MED13L: variants seen among roughly 807,000 people sequenced by gnomAD.
The protein encoded by MED13L is mediator complex subunit 13L.
MED13L carries 7 observed loss-of-function variants against 220.9 expected under a neutral mutation model. The ratio of observed to expected loss-of-function variants is 0.03; its 90% CI spans 0.02 to 0.06. The LOEUF is 0.06. MED13L is among the 10% of genes least tolerant of loss of function. MED13L has a pLI of 1.00. For missense variants in MED13L, 1,965 were observed against 2,760.5 expected, an observed-to-expected ratio of 0.71 and a Z score of 6.46; for synonymous variants, 1,011 against 1,015.2, an observed-to-expected ratio of 1.00 and a Z score of 0.08.
intron 2 of MED13L, among the ~76,000 whole-genome samples, chr12:116,196,365 G>T (rs4767387): frequency 6.6e-6 from 1 of 151,308 alleles, no homozygotes; most frequent in Non-Finnish European, 1.5e-5. Context: ...GGGCCAATAA[G>T]TAAGGTGCAA....
At chr12:116,257,402 G>C (rs1406184268) in intron 1 of MED13L, among the ~76,000 whole-genome samples, 4 of 152,200 alleles carry the variant, frequency 2.6e-5, no homozygotes, top group Non-Finnish European at 2.9e-5. Context: ...AGTATGGCCA[G>C]AAGTGTTGTA....
chr12:116,051,244 C>G (rs1868486631), intron 4 of MED13L, among the ~76,000 whole-genome samples: 1 of 151,064 alleles, frequency 6.6e-6, no homozygotes, highest in Non-Finnish European at 1.5e-5. Context: ...GGCATGGTGG[C>G]TCACACCGAG....
chr12:116,119,445 T>A lies in MED13L; in HGVS notation c.311-7933A>T, dbSNP rs532685321. On this transcript the variant is annotated intron_variant, in intron 2 of 30. Coordinates refer to ENST00000281928, the MANE Select transcript of MED13L (RefSeq NM_015335.5). ...GCCGATTGTAAAAGTGCCAAATAGT[T>A]GGATACCCAATATTCTTTTAATCAA... Among the ~76,000 whole-genome samples, 9 of 152,254 alleles carry A rather than the reference T, an allele frequency of 5.9e-5. No homozygotes were observed. In the East Asian group the frequency reaches 1.7e-3, roughly 29 times the overall value.
intron 18 of MED13L, among the ~76,000 whole-genome samples, 178 bp from the exon 19 acceptor site, chr12:115,986,667 T>G (rs1204291051): frequency 1.3e-5 from 2 of 152,132 alleles, no homozygotes; most frequent in Non-Finnish European, 2.9e-5. Context: ...ATGAGGACTC[T>G]TAATTAAGTA....
chr12:116,103,646 A>G (rs1873286538), intron 3 of MED13L, among the ~76,000 whole-genome samples: 1 of 152,150 alleles, frequency 6.6e-6, no homozygotes, highest in Admixed American at 6.6e-5. Flanking sequence ...AATATTCACT[A>G]AATAGCTACA....
intron 2 of MED13L, among the ~76,000 whole-genome samples, chr12:116,164,876 G>A (rs1191838584): frequency 6.6e-6 from 1 of 152,146 alleles, no homozygotes. Flanking sequence ...TTCAAGTTAT[G>A]TTTACTTTCA....
At position 115,996,459 on chromosome 12, in the gene MED13L, A is replaced by G. The variant is rs1878411466; in HGVS notation, c.2996+17T>C. Reference sequence around the variant, plus strand: ...GCATCAAATATGGCAAGTAAATGACACAATCCCTATACATACTTGTAGCCA... The same window carrying G: ...GCATCAAATATGGCAAGTAAATGACGCAATCCCTATACATACTTGTAGCCA... On this transcript the variant is annotated intron_variant, in intron 16 of 30. Transcript: ENST00000281928. 6.2e-7 allele frequency: 1 copy of G among 1,603,592 alleles called. No homozygotes were observed. The highest frequency in any genetic ancestry group is 1.3e-5 in the African/African-American group (1 of 74,728).
At chr12:116,171,569 A>T (rs1879681955) in intron 2 of MED13L, among the ~76,000 whole-genome samples, 1 of 152,154 alleles carries the variant, frequency 6.6e-6, no homozygotes, top group Non-Finnish European at 1.5e-5. Flanking sequence ...GCCCCATCCC[A>T]ACCACCTTCC....
At chr12:116,036,545 A>G (rs1228433118) in intron 4 of MED13L, among the ~76,000 whole-genome samples, 1 of 152,236 alleles carries the variant, frequency 6.6e-6, no homozygotes, top group Non-Finnish European at 1.5e-5. Flanking sequence ...ATGAATATTA[A>G]TACACTCCTT....
At position 116,252,476 on chromosome 12, in the gene MED13L, T is replaced by C. The variant is rs766375792; in HGVS notation, c.73-14771A>G. On this transcript the variant is annotated intron_variant, in intron 1 of 30. Transcript: ENST00000281928. The stretch of plus-strand genomic sequence containing the variant: ...ATCACTTGAGCCCAGGACACTGAGG[T>C]TGCAGTGAGCTGTGATTGCTCCACT... Among the ~76,000 whole-genome samples, 8 of 152,030 alleles carry C rather than the reference T, an allele frequency of 5.3e-5. No individual in the cohort carries two copies. In the South Asian group the frequency reaches 6.2e-4, roughly 12 times the overall value.
At chr12:116,192,218 G>A (rs1237845406) in intron 2 of MED13L, among the ~76,000 whole-genome samples, 1 of 152,164 alleles carries the variant, frequency 6.6e-6, no homozygotes, top group African/African-American at 2.4e-5. Flanking sequence ...CATCCCTTAT[G>A]TAGCCAAGCA....
rs1280974865 is a variant in MED13L at position 116,138,135 on chromosome 12, C to T, written c.311-26623G>A. Among the ~76,000 whole-genome samples the T allele has an allele frequency of 3.9e-5, 6 of 152,072 alleles. No individual in the cohort carries two copies. The East Asian group carries it at 5.8e-4, about 15-fold the overall frequency. ...CCTCCCAAAGTGCTGGGATTGCAGGCGTGAGCCACCACGCCCGGCCTGACA... is the reference window on the plus strand; with the variant it reads ...CCTCCCAAAGTGCTGGGATTGCAGGTGTGAGCCACCACGCCCGGCCTGACA... On this transcript the variant is annotated intron_variant, in intron 2 of 30. Transcript: ENST00000281928.
intron 4 of MED13L, among the ~76,000 whole-genome samples, chr12:116,079,682 G>A (rs1265908079): frequency 6.6e-6 from 1 of 151,940 alleles, no homozygotes; most frequent in African/African-American, 2.4e-5. Context: ...GGGACTACAA[G>A]CGTGTACCAC....
At chr12:116,167,329 C>A (rs756987505) in intron 2 of MED13L, among the ~76,000 whole-genome samples, 1 of 151,902 alleles carries the variant, frequency 6.6e-6, no homozygotes, top group African/African-American at 2.4e-5. Flanking sequence ...ACTGTTTGAT[C>A]AAAAAATACA....
chr12:116,039,842 CATTAGTTAGTATGGA>C (rs1881417122), intron 4 of MED13L, among the ~76,000 whole-genome samples: 1 of 151,950 alleles, frequency 6.6e-6, no homozygotes, highest in South Asian at 2.1e-4. Flanking sequence ...CGGTAAGACA[CATTAGTTAGTATGGA>C]ACTGAGGAAA....
chr12:116,078,593 T>G (rs895475648), intron 4 of MED13L, among the ~76,000 whole-genome samples: 3 of 152,160 alleles, frequency 2.0e-5, no homozygotes, highest in Non-Finnish European at 4.4e-5. Context: ...TGCCACCCAT[T>G]TCTTGTAAAT....
At chr12:116,263,768 GA>G (rs1872654256) in intron 1 of MED13L, among the ~76,000 whole-genome samples, 1 of 152,164 alleles carries the variant, frequency 6.6e-6, no homozygotes, top group African/African-American at 2.4e-5. Flanking sequence ...GTCAGACAGA[GA>G]GAAGACACAA....
At chr12:116,143,015 C>A (rs1230698357) in intron 2 of MED13L, among the ~76,000 whole-genome samples, 1 of 152,158 alleles carries the variant, frequency 6.6e-6, no homozygotes, top group African/African-American at 2.4e-5. Flanking sequence ...GGTCTGCTGG[C>A]TTCAGAAAGA....
chr12:115,984,049 A>G, intron 20 of MED13L, 131 bp downstream of exon 20: 1 of 1,088,274 alleles, frequency 9.2e-7, no homozygotes, highest in Non-Finnish European at 1.4e-6. Context: ...CAGAACACCA[A>G]ACTGGACCTT....
Sources: gnomAD v4.1 joint callset for allele counts (sites outside exome capture counted in the v4.1 genomes callset) on GRCh38, gnomAD v4.1.1 for gene constraint, MANE v1.5 for transcripts, NCBI Gene and HGNC (gene_info 2026-07-23, HGNC 2026-07-21) for gene names.